Variants in PACSIN2 observed in about 807,000 individuals in gnomAD.
PACSIN2 encodes the protein protein kinase C and casein kinase substrate in neurons 2, also known as protein kinase C and casein kinase substrate in neurons protein 2.
PACSIN2 carries 25 observed loss-of-function variants against 63.8 expected under a neutral mutation model. The ratio of observed to expected loss-of-function variants is 0.39; its 90% confidence interval spans 0.29 to 0.55. PACSIN2 has a LOEUF of 0.55. Ranked by LOEUF, PACSIN2 falls within the 20% of genes least tolerant of loss-of-function variation. The pLI is 0.62. For missense variants in PACSIN2, 518 were observed against 646.9 expected (o/e 0.80, Z 2.16); for synonymous variants, 255 against 256.2 (o/e 1.00, Z 0.05).
intron 1 of PACSIN2, among the ~76,000 whole-genome samples, chr22:42,924,993 G>A (rs1329772515): frequency 6.6e-6 from 1 of 151,400 alleles, no homozygotes; most frequent in Non-Finnish European, 1.5e-5. Flanking sequence ...TCCTGACCTC[G>A]TGATCGGCCC....
At chr22:43,012,983 G>T (rs1431878127) in intron 1 of PACSIN2, among the ~76,000 whole-genome samples, 2 of 152,008 alleles carry the variant, frequency 1.3e-5, no homozygotes, top group East Asian at 1.9e-4. Context: ...GTAGAGACGG[G>T]GTTTCACCAT....
intron 2 of PACSIN2, among the ~76,000 whole-genome samples, chr22:42,900,892 G>C (rs1930638638): frequency 6.6e-6 from 1 of 152,218 alleles, no homozygotes; most frequent in African/African-American, 2.4e-5. Flanking sequence ...ATCAGAGCTG[G>C]TGTAAACTGA....
chr22:42,971,948 G>C (rs1434389315), intron 1 of PACSIN2, among the ~76,000 whole-genome samples: 1 of 145,568 alleles, frequency 6.9e-6, no homozygotes, highest in African/African-American at 2.6e-5. Flanking sequence ...GCCTCTGCCC[G>C]GCCGCCCCGT....
intron 1 of PACSIN2, among the ~76,000 whole-genome samples, chr22:42,921,606 A>T (rs1172602624): frequency 6.6e-6 from 1 of 152,204 alleles, no homozygotes; most frequent in Non-Finnish European, 1.5e-5. Context: ...GAGAAATTCT[A>T]ATGAAATCTG....
intron 1 of PACSIN2, among the ~76,000 whole-genome samples, chr22:42,930,119 CTT>C (rs1932756188): frequency 6.6e-6 from 1 of 152,226 alleles, no homozygotes; most frequent in Non-Finnish European, 1.5e-5. Context: ...CATGAGGTGA[CTT>C]GGGAACAGAG....
intron 1 of PACSIN2, among the ~76,000 whole-genome samples, chr22:43,014,754 C>T (rs1403591482): frequency 6.6e-6 from 1 of 151,708 alleles, no homozygotes; most frequent in Non-Finnish European, 1.5e-5. Flanking sequence ...GCGCCGCCCC[C>T]ATGGGCCCCC....
At position 42,874,399 on chromosome 22, in the gene PACSIN2, G is replaced by A. The variant is rs577237254; in HGVS notation, c.1348+1738C>T. Among the ~76,000 whole-genome samples the A allele has an allele frequency of 2.6e-5, 4 of 152,050 alleles. No homozygotes were observed. In the South Asian group the frequency reaches 6.2e-4, roughly 24 times the overall value. On this transcript the variant is annotated intron_variant, in intron 10 of 10. Transcript: ENST00000263246. The stretch of plus-strand genomic sequence containing the variant: ...AGACATTGCACAGAAAGTCTTCACA[G>A]GCAGAGCACATGTAATCAGGATCCA...
intron 10 of PACSIN2, among the ~76,000 whole-genome samples, chr22:42,872,489 C>T (rs1007792394): frequency 6.6e-6 from 1 of 152,210 alleles, no homozygotes; most frequent in Non-Finnish European, 1.5e-5. Context: ...GTCCATTTTT[C>T]AGAATTAGAT....
At chr22:42,915,645 T>G (rs960939996) in intron 1 of PACSIN2, among the ~76,000 whole-genome samples, 26 of 152,212 alleles carry the variant, frequency 1.7e-4, no homozygotes, top group Admixed American at 1.5e-3. Flanking sequence ...CCTTCCAACT[T>G]AGACATTCTC....
At chr22:42,929,383 A>G (rs929537807) in intron 1 of PACSIN2, among the ~76,000 whole-genome samples, 1 of 152,230 alleles carries the variant, frequency 6.6e-6, no homozygotes, top group Non-Finnish European at 1.5e-5. Flanking sequence ...AAAACCAGTA[A>G]AAAGTGCTCT....
chr22:42,884,855 T>C (rs931987958), intron 5 of PACSIN2, among the ~76,000 whole-genome samples: 2 of 152,224 alleles, frequency 1.3e-5, no homozygotes, highest in African/African-American at 4.8e-5. Context: ...CACACGCCCA[T>C]GTCCTCTTCT....
At chr22:42,887,617 C>G (rs955655077) in intron 5 of PACSIN2, among the ~76,000 whole-genome samples, 8 of 152,238 alleles carry the variant, frequency 5.3e-5, no homozygotes, top group African/African-American at 1.9e-4. Flanking sequence ...AATCACACCC[C>G]CCAGCCCTCA....
intron 2 of PACSIN2, among the ~76,000 whole-genome samples, chr22:42,894,480 A>G (rs1439946600): frequency 2.6e-5 from 4 of 152,132 alleles, no homozygotes; most frequent in Non-Finnish European, 4.4e-5. Flanking sequence ...TGACCTTGTG[A>G]TCCACCCACA....
chr22:42,896,626 C>T (rs4588289), intron 2 of PACSIN2, among the ~76,000 whole-genome samples: 67,913 of 152,002 alleles, frequency 0.45, 15,709 homozygotes, highest in Non-Finnish European at 0.48. Context: ...ACATAAGCTT[C>T]CATGACTCTT....
intron 1 of PACSIN2, among the ~76,000 whole-genome samples, chr22:42,962,788 C>T (rs1008059316): frequency 3.0e-5 from 2 of 67,280 alleles, no homozygotes; most frequent in African/African-American, 9.6e-5. Context: ...GGGGGGGGGG[C>T]GGCGCAGAAA....
At chr22:42,977,359 C>T (rs182546520) in intron 1 of PACSIN2, among the ~76,000 whole-genome samples, 50 of 151,374 alleles carry the variant, frequency 3.3e-4, no homozygotes, top group African/African-American at 1.1e-3. Flanking sequence ...GACGGAAAAA[C>T]GGAGAAAGGA....
Position 42,962,183 on chromosome 22 carries a change from C to CTTT in PACSIN2, c.-77-50029_-77-50027dup, listed in dbSNP as rs3046541. ...TCCCCCAAGCCAGGATACCAGAAAACTTTTTTTTTTTTTGTCCCAGAGCCC... is the reference window on the plus strand; with the variant it reads ...TCCCCCAAGCCAGGATACCAGAAAACTTTTTTTTTTTTTTTTGTCCCAGAGCCC... On this transcript the variant is annotated intron_variant, in intron 1 of 10. Coordinates refer to ENST00000263246, the MANE Select transcript of PACSIN2 (RefSeq NM_001184970.3). 2.2e-3 allele frequency among the ~76,000 whole-genome samples: 325 copies of CTTT among 147,924 alleles called. 1 individual carries two copies. Among genetic ancestry groups the CTTT allele is most frequent in the South Asian group, 7.5e-3 (35 of 4,686 alleles).
At chr22:43,011,263 C>A (rs867811588) in intron 1 of PACSIN2, among the ~76,000 whole-genome samples, 1 of 152,316 alleles carries the variant, frequency 6.6e-6, no homozygotes, top group Middle Eastern at 3.4e-3. Context: ...ATGCAGCTAC[C>A]ATTCCAAACA....
At chr22:42,991,186 T>C (rs1212021402) in intron 1 of PACSIN2, among the ~76,000 whole-genome samples, 2 of 152,196 alleles carry the variant, frequency 1.3e-5, no homozygotes, top group Non-Finnish European at 2.9e-5. Context: ...GGTATAGACT[T>C]GGAGACTGCT....
Sources: gnomAD v4.1 joint callset for allele counts (sites outside exome capture counted in the v4.1 genomes callset) on GRCh38, gnomAD v4.1.1 for gene constraint, MANE v1.5 for transcripts, NCBI Gene and HGNC (gene_info 2026-07-23, HGNC 2026-07-21) for gene names.